PTPRD: variants seen among roughly 807,000 people sequenced by gnomAD.
The protein encoded by PTPRD is protein tyrosine phosphatase receptor type D.
In PTPRD, 34 loss-of-function variants were observed where a neutral mutation model predicts 214.5. The ratio of observed to expected loss-of-function variants is 0.16; its 90% CI spans 0.12 to 0.21. The LOEUF is 0.21. PTPRD is among the 10% of genes least tolerant of loss of function. PTPRD has a pLI of 1.00. For missense variants in PTPRD, 2,545 were observed against 2,398.7 expected (o/e 1.06, Z -1.27); for synonymous variants, 1,128 against 845.7 (o/e 1.33, Z -5.79).
At position 9,718,668 on chromosome 9, in the gene PTPRD, A is replaced by G. The variant is rs150741892; in HGVS notation, c.-287+15865T>C. 1.8e-3 allele frequency among the ~76,000 whole-genome samples: 278 copies of G among 152,330 alleles called. 1 individual carries two copies. The highest frequency in any genetic ancestry group is 6.2e-3 in the African/African-American group (259 of 41,584). On this transcript the variant is annotated intron_variant, in intron 7 of 45. Transcript: ENST00000381196. ...GCTCTGTGGTGGAGCAAAGTTGTGG[A>G]CATGTCCCAATAGCTAAGCCCAGGT...
chr9:9,481,245 A>C (rs1180652057), intron 8 of PTPRD, among the ~76,000 whole-genome samples: 1 of 152,156 alleles, frequency 6.6e-6, no homozygotes, highest in African/African-American at 2.4e-5. Context: ...AGACTTGGTG[A>C]GGTAGAAGCT....
intron 12 of PTPRD, among the ~76,000 whole-genome samples, chr9:8,683,543 G>T (rs2097596551): frequency 6.6e-6 from 1 of 152,046 alleles, no homozygotes; most frequent in Non-Finnish European, 1.5e-5. Flanking sequence ...TCCTCTATAT[G>T]TCATCAAGGA....
At position 9,775,131 on chromosome 9, in the gene PTPRD, G is replaced by T. The variant is rs77782669; in HGVS notation, c.-367-8280C>A. ...TCATCAGTCTGTAACAGGCATTTAC[G>T]TATCTGTCACCCCACAAGTTCATCA... On this transcript the variant is annotated intron_variant, in intron 5 of 45. Transcript: ENST00000381196. 4.1e-3 allele frequency among the ~76,000 whole-genome samples: 622 copies of T among 152,234 alleles called. 4 individuals carry two copies. Among genetic ancestry groups the T allele is most frequent in the African/African-American group, 0.014 (593 of 41,552 alleles).
intron 8 of PTPRD, among the ~76,000 whole-genome samples, chr9:9,426,254 G>T (rs1253253050): frequency 6.6e-6 from 1 of 152,226 alleles, no homozygotes; most frequent in Non-Finnish European, 1.5e-5. Flanking sequence ...CACACCAGGA[G>T]ATTATATTCT....
intron 8 of PTPRD, among the ~76,000 whole-genome samples, chr9:9,436,855 C>T (rs796761936): frequency 9.3e-5 from 14 of 150,976 alleles, no homozygotes; most frequent in African/African-American, 3.2e-4. Context: ...TTATCTGTCT[C>T]TTTTTGCTTA....
At position 9,068,824 on chromosome 9, in the gene PTPRD, A is replaced by C. The variant is rs192614978; in HGVS notation, c.-142-50089T>G. On this transcript the variant is annotated intron_variant, in intron 10 of 45. Transcript: ENST00000381196. ...ATGGGGTTTCACTATGTTGGCCAGG[A>C]TGGTCTCGATCTCCTGACCTTGTGA... 5.1e-3 allele frequency among the ~76,000 whole-genome samples: 775 copies of C among 152,054 alleles called. 1 individual carries two copies. The highest frequency in any genetic ancestry group is 0.017 in the Middle Eastern group (5 of 294).
intron 2 of PTPRD, among the ~76,000 whole-genome samples, chr9:10,500,335 A>G (rs1589522985): frequency 6.6e-6 from 1 of 152,006 alleles, no homozygotes; most frequent in East Asian, 1.9e-4. Context: ...TTCCAAGAAA[A>G]ACACAAGAAT....
At chr9:9,562,125 AC>A (rs2154293130) in intron 8 of PTPRD, among the ~76,000 whole-genome samples, 1 of 152,210 alleles carries the variant, frequency 6.6e-6, no homozygotes, top group African/African-American at 2.4e-5. Context: ...TGTTTTCCTC[AC>A]ACTCATATTC....
intron 3 of PTPRD, among the ~76,000 whole-genome samples, chr9:10,187,170 G>A (rs1207252658): frequency 6.6e-6 from 1 of 151,934 alleles, no homozygotes; most frequent in Non-Finnish European, 1.5e-5. Flanking sequence ...TATCTTTCAT[G>A]GTTAAAATGC....
chr9:8,948,635 T>C (rs1176270804), intron 11 of PTPRD, among the ~76,000 whole-genome samples: 1 of 133,454 alleles, frequency 7.5e-6, no homozygotes, highest in Non-Finnish European at 1.5e-5. Flanking sequence ...GTGGGACATT[T>C]TCAGATTTAC....
intron 9 of PTPRD, among the ~76,000 whole-genome samples, chr9:9,248,663 A>G (rs985573789): frequency 3.6e-4 from 54 of 152,052 alleles, no homozygotes; most frequent in African/African-American, 1.3e-3. Flanking sequence ...TCTATGCACT[A>G]TATTATACAT....
chr9:9,016,897 G>A (rs17664375), intron 11 of PTPRD, among the ~76,000 whole-genome samples: 48,312 of 151,804 alleles, frequency 0.32, 8,257 homozygotes, highest in Non-Finnish European at 0.39. Context: ...TTGAGGAGCA[G>A]GAAGATAAAG....
chr9:9,469,555 A>G (rs908349261), intron 8 of PTPRD, among the ~76,000 whole-genome samples: 2 of 152,108 alleles, frequency 1.3e-5, no homozygotes, highest in Non-Finnish European at 2.9e-5. Context: ...AATGTGCAAT[A>G]AAAAAGACCA....
intron 2 of PTPRD, among the ~76,000 whole-genome samples, chr9:10,532,699 T>C (rs939190781): frequency 2.0e-5 from 3 of 150,764 alleles, no homozygotes; most frequent in South Asian, 2.1e-4. Context: ...CTCTCCTAAA[T>C]AGCAGGTTTT....
intron 9 of PTPRD, among the ~76,000 whole-genome samples, chr9:9,352,698 A>T (rs1003809072): frequency 3.3e-5 from 5 of 151,968 alleles, no homozygotes; most frequent in African/African-American, 9.7e-5. Context: ...AATTAATGAT[A>T]ACTATGAATT....
At chr9:10,031,647 T>TATATATATATATATATACAC in intron 4 of PTPRD, among the ~76,000 whole-genome samples, 23 of 89,642 alleles carry the variant, frequency 2.6e-4, no homozygotes, top group Middle Eastern at 4.4e-3. Context: ...TATATATATA[T>TATATATATATATATATACAC]ACACACACAC....
intron 8 of PTPRD, among the ~76,000 whole-genome samples, chr9:9,506,998 G>C (rs1462327105): frequency 6.6e-6 from 1 of 151,390 alleles, no homozygotes; most frequent in East Asian, 1.9e-4. Flanking sequence ...AAGTATACTT[G>C]TCTTAGTTCC....
Position 9,876,663 on chromosome 9 carries a change from C to T in PTPRD, c.-368+61844G>A, listed in dbSNP as rs1374895908. On this transcript the variant is annotated intron_variant, in intron 5 of 45. Transcript: ENST00000381196. ...AAAGCATTTGCCCTTGGCAGCATCT[C>T]CTTTTTACACATATTTGTCATTTTG... 1.1e-4 allele frequency among the ~76,000 whole-genome samples: 16 copies of T among 152,272 alleles called. No homozygotes were observed. The South Asian group carries it at 1.4e-3, about 14-fold the overall frequency.
intron 5 of PTPRD, among the ~76,000 whole-genome samples, chr9:9,800,929 C>A (rs532123299): frequency 2.0e-5 from 3 of 152,224 alleles, no homozygotes; most frequent in Non-Finnish European, 4.4e-5. Context: ...AGGAGATACA[C>A]GATTAGTTGA....
Sources: allele counts gnomAD v4.1 joint callset (sites outside exome capture counted in the v4.1 genomes callset), GRCh38; gene constraint gnomAD v4.1.1; transcripts MANE v1.5; gene names NCBI Gene and HGNC (gene_info 2026-07-23, HGNC 2026-07-21).